Variants in CREBL2 observed in about 807,000 individuals in gnomAD.
CREBL2 encodes cAMP-responsive element-binding protein-like 2.
Under a neutral mutation model 19.5 loss-of-function variants are expected in CREBL2, and 4 were observed. That is an observed-to-expected ratio of 0.20 (90% CI 0.10 to 0.47). The LOEUF is 0.47. Among genes scored for constraint, CREBL2 ranks in the 20% least tolerant of loss-of-function variants. CREBL2 has a pLI of 0.98. For missense variants in CREBL2, 85 were observed against 145.1 expected (o/e 0.59, Z 2.13); for synonymous variants, 42 against 46.6 (o/e 0.90, Z 0.40).
chr12:12,612,734 C>T (rs780216056), intron 1 of CREBL2, among the ~76,000 whole-genome samples: 2 of 152,172 alleles, frequency 1.3e-5, no homozygotes, highest in Non-Finnish European at 2.9e-5. Flanking sequence ...TAAAAAAATA[C>T]TGATTTTCCT....
intron 1 of CREBL2, among the ~76,000 whole-genome samples, chr12:12,618,798 G>A (rs954550639): frequency 6.6e-6 from 1 of 152,240 alleles, no homozygotes; most frequent in Non-Finnish European, 1.5e-5. Flanking sequence ...GGAGGCCCAG[G>A]CGGGCAGATC....
At chr12:12,618,206 C>T (rs558899936) in intron 1 of CREBL2, among the ~76,000 whole-genome samples, 204 of 151,014 alleles carry the variant, frequency 1.4e-3, no homozygotes, top group African/African-American at 4.6e-3. Flanking sequence ...GGGCGGCTGC[C>T]GGGCGGAGAC....
intron 2 of CREBL2, 130 bp downstream of exon 2, chr12:12,636,104 C>A: frequency 1.1e-6 from 1 of 900,044 alleles, no homozygotes. Flanking sequence ...ATCTGTTAGC[C>A]AGGATGGGGG....
intron 1 of CREBL2, among the ~76,000 whole-genome samples, chr12:12,635,031 C>G (rs1357898091): frequency 6.6e-6 from 1 of 151,772 alleles, no homozygotes; most frequent in African/African-American, 2.4e-5. Context: ...CACTGTGCTC[C>G]AGCCTGGGTA....
At chr12:12,636,795 A>T (rs373075873) in intron 2 of CREBL2, among the ~76,000 whole-genome samples, 39 of 152,350 alleles carry the variant, frequency 2.6e-4, no homozygotes, top group African/African-American at 9.1e-4. Flanking sequence ...AAAAATGTGA[A>T]AGAGAGTAGA....
Position 12,629,276 on chromosome 12 carries a change from C to A in CREBL2, c.16-6501C>A, listed in dbSNP as rs183465932. 1.4e-3 allele frequency among the ~76,000 whole-genome samples: 209 copies of A among 152,200 alleles called. 1 individual carries two copies. Among genetic ancestry groups the A allele is most frequent in the Non-Finnish European group, 5.4e-4 (37 of 67,998 alleles). ...TGGGCTGCCTTTCCATTTATCAGATCTTCTTTAATTTCTTTTAATGATATT... is the reference window on the plus strand; with the variant it reads ...TGGGCTGCCTTTCCATTTATCAGATATTCTTTAATTTCTTTTAATGATATT... On this transcript the variant is annotated intron_variant, in intron 1 of 3. Coordinates refer to ENST00000228865, the MANE Select transcript of CREBL2 (RefSeq NM_001310.4).
At chr12:12,624,275 C>G (rs921407370) in intron 1 of CREBL2, among the ~76,000 whole-genome samples, 1 of 152,124 alleles carries the variant, frequency 6.6e-6, no homozygotes, top group African/African-American at 2.4e-5. Flanking sequence ...AAGAAAAACA[C>G]CCTAAAGTTA....
intron 1 of CREBL2, among the ~76,000 whole-genome samples, chr12:12,633,344 A>G (rs1945454152): frequency 6.6e-6 from 1 of 152,118 alleles, no homozygotes; most frequent in South Asian, 2.1e-4. Context: ...CTGAGGCAGG[A>G]GAATCGGTTG....
intron 1 of CREBL2, among the ~76,000 whole-genome samples, chr12:12,627,452 A>T (rs780506750): frequency 6.6e-6 from 1 of 152,208 alleles, no homozygotes; most frequent in Non-Finnish European, 1.5e-5. Context: ...ATCTACTTTA[A>T]GTCTCTATAG....
At chr12:12,619,051 AGAGGGAGAGGAGGGAGAGGGAGAG>A (rs1555173880) in intron 1 of CREBL2, among the ~76,000 whole-genome samples, 4 of 151,644 alleles carry the variant, frequency 2.6e-5, no homozygotes, top group East Asian at 1.9e-4. Context: ...CGGGAGAGGG[AGAGGGAGAGGAGGGAGAGGGAGAG>A]GAGGGAGAGG....
chr12:12,644,763 C>T lies in CREBL2; in HGVS notation c.*2765C>T, dbSNP rs1013240788. 6.6e-6 allele frequency: 1 copy of T among 152,574 alleles called. No individual in the cohort carries two copies. The highest frequency in any genetic ancestry group is 1.5e-5 in the Non-Finnish European group (1 of 68,038). The allele number at this position is 152,574 out of a possible 1,614,324, so 9.5% of individuals were successfully genotyped here. A position where few individuals can be genotyped will look rare whatever the true frequency, so the allele number is the denominator to read the frequency against. On this transcript the variant is annotated 3_prime_UTR_variant, in exon 4 of 4. Coordinates refer to ENST00000228865, the MANE Select transcript of CREBL2 (RefSeq NM_001310.4). ...TTTCTCAGCATCACTATGTAGCATT[C>T]TGTTTTAGCATCTTTGAATTATGAT...
Position 12,637,624 on chromosome 12 carries a change from G to C in CREBL2, c.268G>C (p.Ala90Pro). The C allele has an allele frequency of 6.2e-7, 1 of 1,613,090 alleles. No homozygotes were observed. The highest frequency in any genetic ancestry group is 2.2e-5 in the East Asian group (1 of 44,864). The change falls in exon 3 of 4, where the codon GCC (alanine) becomes CCC (proline). Residue 90 changes from alanine to proline, a missense_variant. Physicochemically the swap from Ala to Pro is conservative, Grantham distance 27 (BLOSUM62 -1). Around this residue, in one of 5 missense-constraint regions of CREBL2, gnomAD observed 42 missense variants for 38.4 expected, o/e 1.09. Coordinates refer to ENST00000228865, the MANE Select transcript of CREBL2 (RefSeq NM_001310.4). The part of the protein sequence containing the change: ...DQGKIPSEIK[A>P]LLTGEEQNKS... ...AGGAAAAATCCCTTCTGAAATAAAG[G>C]CCCTACTCACTGGAGAAGAGCAGAA...
chr12:12,640,898 A>G (rs950440869), intron 3 of CREBL2, among the ~76,000 whole-genome samples: 2 of 151,946 alleles, frequency 1.3e-5, no homozygotes, highest in Non-Finnish European at 2.9e-5. Flanking sequence ...CAATTTATCT[A>G]TTTTTGTTTT....
At chr12:12,624,164 T>C (rs763010723) in intron 1 of CREBL2, among the ~76,000 whole-genome samples, 5 of 152,244 alleles carry the variant, frequency 3.3e-5, no homozygotes, top group Non-Finnish European at 7.3e-5. Context: ...TAAGTAGTGC[T>C]GAGCCAGAGG....
rs1945534723 is a variant in CREBL2 at position 12,642,853 on chromosome 12, G to A, written c.*855G>A. ...TATGTATGTATGTTTCTTATTGTAT[G>A]TCTATATATGTATGTGGGGAGGACA... is the stretch of plus-strand genomic sequence containing the variant. On this transcript the variant is annotated 3_prime_UTR_variant, in exon 4 of 4. Transcript: ENST00000228865. The A allele has an allele frequency of 6.6e-6, 1 of 152,590 alleles. No individual in the cohort carries two copies. The highest frequency in any genetic ancestry group is 1.5e-5 in the Non-Finnish European group (1 of 68,034). 9.5% of individuals were successfully genotyped at this position (152,590 alleles called of 1,614,324 possible).
At chr12:12,632,020 G>A (rs1049272241) in intron 1 of CREBL2, among the ~76,000 whole-genome samples, 1 of 147,776 alleles carries the variant, frequency 6.8e-6, no homozygotes, top group Non-Finnish European at 1.5e-5. Context: ...TAACTTTATA[G>A]GAAATGACAT....
At chr12:12,620,242 C>CT (rs67066272) in intron 1 of CREBL2, among the ~76,000 whole-genome samples, 27,440 of 148,076 alleles carry the variant, frequency 0.19, 2,906 homozygotes, top group Admixed American at 0.28. Flanking sequence ...TTTTCTTTTT[C>CT]TTTTTTTTTT....
intron 3 of CREBL2, among the ~76,000 whole-genome samples, chr12:12,638,735 C>T (rs1200090041): frequency 6.6e-6 from 1 of 152,072 alleles, no homozygotes; most frequent in Non-Finnish European, 1.5e-5. Flanking sequence ...GGCTAAGGTG[C>T]CCAAGGTCAC....
At chr12:12,613,917 A>ATTT (rs36102670) in intron 1 of CREBL2, among the ~76,000 whole-genome samples, 1,795 of 136,058 alleles carry the variant, frequency 0.013, 34 homozygotes, top group African/African-American at 0.045. Context: ...TCAGCAAGTA[A>ATTT]TTTTTTTTTT....
Sources: gnomAD v4.1 joint callset for allele counts (sites outside exome capture counted in the v4.1 genomes callset) on GRCh38, gnomAD v4.1.1 for gene constraint, gnomAD v4.1.1 regional missense constraint, MANE v1.5 for transcripts, NCBI Gene and HGNC (gene_info 2026-07-23, HGNC 2026-07-21) for gene names.